DSCAM: variants seen among roughly 807,000 people sequenced by gnomAD.
The protein encoded by DSCAM is DS cell adhesion molecule.
Under a neutral mutation model 217.7 loss-of-function variants are expected in DSCAM, and 47 were observed. That is an observed-to-expected ratio of 0.22 (90% CI 0.17 to 0.28). DSCAM has a LOEUF of 0.28. DSCAM is among the 10% of genes least tolerant of loss of function. The pLI is 1.00. For synonymous variants in DSCAM, 1,056 were observed against 1,015.3 expected (o/e 1.04, Z -0.76); for missense variants, 2,080 against 2,618.3 (o/e 0.79, Z 4.49).
At chr21:40,631,821 G>A (rs1190701052) in intron 3 of DSCAM, among the ~76,000 whole-genome samples, 1 of 152,206 alleles carries the variant, frequency 6.6e-6, no homozygotes, top group Non-Finnish European at 1.5e-5. Context: ...AGGCTTCCCA[G>A]TCATATCAGG....
intron 8 of DSCAM, among the ~76,000 whole-genome samples, chr21:40,333,811 C>T (rs183519621): frequency 6.8e-4 from 103 of 152,266 alleles, no homozygotes; most frequent in Non-Finnish European, 1.1e-3. Context: ...CCTGAGTCTC[C>T]GGAGTAGCTG....
At chr21:40,525,665 C>A (rs897352673) in intron 3 of DSCAM, among the ~76,000 whole-genome samples, 1 of 152,204 alleles carries the variant, frequency 6.6e-6, no homozygotes, top group African/African-American at 2.4e-5. Flanking sequence ...TGTCTTGGAT[C>A]CAAGAAACTA....
chr21:40,663,213 T>C (rs1259658498), intron 3 of DSCAM, among the ~76,000 whole-genome samples: 3 of 141,462 alleles, frequency 2.1e-5, no homozygotes, highest in Admixed American at 7.2e-5. Context: ...AGTGTATGTC[T>C]GTGCATGGTG....
At chr21:40,710,585 T>C (rs1360130923) in intron 1 of DSCAM, among the ~76,000 whole-genome samples, 1 of 152,236 alleles carries the variant, frequency 6.6e-6, no homozygotes, top group Non-Finnish European at 1.5e-5. Flanking sequence ...ATTTAAATTG[T>C]TTCTCTTTTC....
chr21:40,079,103 G>C (rs1212795072), intron 25 of DSCAM, 126 bp from the exon 26 acceptor site: 1 of 1,052,106 alleles, frequency 9.5e-7, no homozygotes. Flanking sequence ...CTGGCTCACA[G>C]GCCACTGGCA....
chr21:40,318,887 C>T (rs138855216), intron 8 of DSCAM, among the ~76,000 whole-genome samples: 24 of 152,060 alleles, frequency 1.6e-4, no homozygotes, highest in African/African-American at 2.2e-4. Context: ...TTGACCTAGG[C>T]GAAAAAGGCA....
chr21:40,391,340 C>T (rs567528872), intron 3 of DSCAM, among the ~76,000 whole-genome samples: 1 of 152,114 alleles, frequency 6.6e-6, no homozygotes, highest in Non-Finnish European at 1.5e-5. Flanking sequence ...TGGAGGGAGG[C>T]TAAATTTTAC....
intron 16 of DSCAM, among the ~76,000 whole-genome samples, chr21:40,145,382 T>A (rs1209204042): frequency 6.6e-6 from 1 of 152,036 alleles, no homozygotes; most frequent in Non-Finnish European, 1.5e-5. Context: ...AGGAAGGTAA[T>A]CTCTTTCATG....
intron 3 of DSCAM, among the ~76,000 whole-genome samples, chr21:40,486,089 C>A (rs1000103838): frequency 2.6e-5 from 4 of 152,144 alleles, no homozygotes; most frequent in Non-Finnish European, 4.4e-5. Flanking sequence ...CATCAAAAGA[C>A]CCTCCCTGAT....
chr21:40,593,199 G>A (rs920333246), intron 3 of DSCAM, among the ~76,000 whole-genome samples: 7 of 152,016 alleles, frequency 4.6e-5, no homozygotes, highest in Non-Finnish European at 8.8e-5. Context: ...TTAAGTCTGT[G>A]CTATTAATAA....
intron 20 of DSCAM, among the ~76,000 whole-genome samples, chr21:40,120,957 A>G (rs1189220019): frequency 6.6e-6 from 1 of 152,220 alleles, no homozygotes. Flanking sequence ...ATCTTGAGAG[A>G]AAATGACATC....
At chr21:40,392,667 G>A (rs1028910801) in intron 3 of DSCAM, among the ~76,000 whole-genome samples, 2 of 152,090 alleles carry the variant, frequency 1.3e-5, no homozygotes, top group Non-Finnish European at 2.9e-5. Flanking sequence ...CGTACAGAAC[G>A]GTGAAGCCTC....
intron 3 of DSCAM, among the ~76,000 whole-genome samples, chr21:40,502,815 C>T (rs1318611672): frequency 6.6e-6 from 1 of 152,180 alleles, no homozygotes; most frequent in African/African-American, 2.4e-5. Flanking sequence ...ACAGGTCTGG[C>T]AACTAAGCCA....
intron 30 of DSCAM, among the ~76,000 whole-genome samples, chr21:40,048,504 TATG>T (rs1335811522): frequency 6.6e-6 from 1 of 152,236 alleles, no homozygotes; most frequent in Admixed American, 6.5e-5. Flanking sequence ...AGCAAATTGT[TATG>T]ATTTCTTCCA....
intron 11 of DSCAM, among the ~76,000 whole-genome samples, chr21:40,269,064 G>C (rs1013216169): frequency 6.6e-6 from 1 of 152,244 alleles, no homozygotes; most frequent in Middle Eastern, 3.4e-3. Flanking sequence ...CAGGATTACC[G>C]AGGGGAACAC....
At chr21:40,790,185 T>C (rs895037214) in intron 1 of DSCAM, among the ~76,000 whole-genome samples, 7 of 141,756 alleles carry the variant, frequency 4.9e-5, no homozygotes, top group Non-Finnish European at 7.7e-5. Context: ...TCTTTCTTTT[T>C]TTTTTTTTTT....
In DSCAM at chr21:40,013,341, A is replaced by G; in HGVS notation, c.5732T>C (p.Leu1911Ser). The G allele has an allele frequency of 1.2e-6, 2 of 1,602,852 alleles. No homozygotes were observed. Among genetic ancestry groups the G allele is most frequent in the Non-Finnish European group, 1.7e-6 (2 of 1,175,310 alleles). ...LPPYLRMDFL[L>S]NRGGPGTSRD... The stretch of plus-strand genomic sequence containing the variant: ...GCTGGTGCCTGGACCACCTCGGTTT[A>G]ACAAAAAGTCCATTCTAAGGTATGG... The change falls in exon 33 of 33, where the codon TTA (leucine) becomes TCA (serine). Residue 1911 changes from leucine to serine, a missense_variant. This residue lies in a region of DSCAM where 145 missense variants were observed against 138.5 expected (regional missense o/e 1.05). Coordinates refer to ENST00000400454, the MANE Select transcript of DSCAM (RefSeq NM_001389.5).
intron 17 of DSCAM, 113 bp from the exon 18 acceptor site, chr21:40,142,817 A>T: frequency 8.1e-7 from 1 of 1,237,394 alleles, no homozygotes; most frequent in Non-Finnish European, 1.1e-6. Context: ...AATTGCACTC[A>T]ACCCCAAAAT....
chr21:40,403,819 T>C lies in DSCAM; in HGVS notation c.509-34574A>G, dbSNP rs55760124. ...TATGCTCATTAATAAAGCTTGAGTATTGAATGTGCCTGTGACAAGCATACA... is the reference window on the plus strand; with the variant it reads ...TATGCTCATTAATAAAGCTTGAGTACTGAATGTGCCTGTGACAAGCATACA... On this transcript the variant is annotated intron_variant, in intron 3 of 32. Transcript: ENST00000400454. 1.4e-3 allele frequency among the ~76,000 whole-genome samples: 212 copies of C among 152,302 alleles called. 1 individual carries two copies. Among genetic ancestry groups the C allele is most frequent in the East Asian group, 7.7e-4 (4 of 5,182 alleles).
Sources: allele counts gnomAD v4.1 joint callset (sites outside exome capture counted in the v4.1 genomes callset), GRCh38; gene constraint gnomAD v4.1.1; regional missense constraint gnomAD v4.1.1; transcripts MANE v1.5; gene names NCBI Gene and HGNC (gene_info 2026-07-23, HGNC 2026-07-21).